APBB2: variants seen among roughly 807,000 people sequenced by gnomAD.
The protein encoded by APBB2 is Fe65-like 1.
A neutral mutation model predicts 82.5 loss-of-function variants in APBB2; 38 were observed. That is an observed-to-expected ratio of 0.46 (90% CI 0.36 to 0.60). The LOEUF (loss-of-function observed/expected upper bound fraction) is 0.60, where lower values mean the gene tolerates loss of function less well. APBB2 is among the 20% of genes least tolerant of loss of function. The pLI, the probability that APBB2 is intolerant of heterozygous loss-of-function variation, is 0.00. For missense variants in APBB2, 772 were observed against 972.3 expected (o/e 0.79, Z 2.74); for synonymous variants, 341 against 368.2 (o/e 0.93, Z 0.85).
rs1745334722 is a variant in APBB2, at chr4:40,815,342, A to C, written c.*750T>G. 1 of 152,668 alleles carries C rather than the reference A, an allele frequency of 6.6e-6. No homozygotes were observed. The highest frequency in any genetic ancestry group is 6.5e-5 in the Admixed American group (1 of 15,284). 9.5% of individuals were successfully genotyped at this position (152,668 alleles called of 1,614,324 possible). A position where few individuals can be genotyped will look rare whatever the true frequency, so the allele number is the denominator to read the frequency against. ...ACCCAAAATGCATTATGATTTTATT[A>C]ATCTCTTTTAAAAATAATCAGTTTG... is the stretch of plus-strand genomic sequence containing the variant. On this transcript the variant is annotated 3_prime_UTR_variant, in exon 18 of 18. Transcript: ENST00000508593.
chr4:41,068,569 C>T (rs1257367978), intron 3 of APBB2, among the ~76,000 whole-genome samples: 2 of 152,056 alleles, frequency 1.3e-5, no homozygotes, highest in Non-Finnish European at 2.9e-5. Flanking sequence ...TAGTCTAAGT[C>T]TGTTTTAAGG....
chr4:41,128,667 G>T (rs1755108824), intron 2 of APBB2, among the ~76,000 whole-genome samples: 1 of 151,988 alleles, frequency 6.6e-6, no homozygotes, highest in Admixed American at 6.6e-5. Context: ...GTGTTCTAGG[G>T]GCTGGATATA....
intron 3 of APBB2, among the ~76,000 whole-genome samples, chr4:41,081,571 A>G (rs1376923221): frequency 6.6e-6 from 1 of 152,202 alleles, no homozygotes; most frequent in Non-Finnish European, 1.5e-5. Flanking sequence ...ATTGTGTCAA[A>G]TGCCTGAATT....
intron 4 of APBB2, among the ~76,000 whole-genome samples, chr4:41,049,145 C>T (rs1394520148): frequency 2.0e-5 from 3 of 148,360 alleles, no homozygotes; most frequent in African/African-American, 7.5e-5. Flanking sequence ...TGTGAGGAGC[C>T]CCTCTGCCCG....
chr4:41,211,021 G>A (rs753848696), intron 1 of APBB2, among the ~76,000 whole-genome samples: 2 of 152,152 alleles, frequency 1.3e-5, no homozygotes, highest in Admixed American at 1.3e-4. Context: ...TTGGGAGACC[G>A]AGACTGGTGG....
intron 12 of APBB2, among the ~76,000 whole-genome samples, chr4:40,863,575 A>G (rs192368536): frequency 6.6e-6 from 1 of 152,272 alleles, no homozygotes; most frequent in Non-Finnish European, 1.5e-5. Context: ...GCAGCATAAA[A>G]GATTTTCAAT....
intron 1 of APBB2, among the ~76,000 whole-genome samples, chr4:41,212,745 ACC>A (rs1294711117): frequency 6.6e-6 from 1 of 152,076 alleles, no homozygotes; most frequent in Non-Finnish European, 1.5e-5. Context: ...TTGTACTTGT[ACC>A]CCACCACCTT....
At chr4:41,121,782 G>A (rs898860289) in intron 2 of APBB2, among the ~76,000 whole-genome samples, 12 of 152,136 alleles carry the variant, frequency 7.9e-5, no homozygotes, top group Admixed American at 3.3e-4. Context: ...GGAGTGGGAG[G>A]AGCTTGGCTA....
intron 6 of APBB2, among the ~76,000 whole-genome samples, chr4:40,960,952 G>A (rs1481392854): frequency 7.2e-6 from 1 of 139,702 alleles, no homozygotes; most frequent in Non-Finnish European, 1.5e-5. Context: ...ATTTCCAAGA[G>A]CCCTCCTTTA....
rs1744243064 is a variant in APBB2, at chr4:40,810,686, T to TTA, written c.*5404_*5405dup. On this transcript the variant is annotated 3_prime_UTR_variant, in exon 18 of 18. Coordinates refer to ENST00000508593, the MANE Select transcript of APBB2 (RefSeq NM_004307.2). The stretch of plus-strand genomic sequence containing the variant: ...AATCCCTGAAGAAGAATTCTTCATG[T>TTA]TATCACTCTTGTACAGAAAGATATA... The TTA allele has an allele frequency of 6.6e-6, 1 of 152,150 alleles. No homozygotes were observed. Among genetic ancestry groups the TTA allele is most frequent in the African/African-American group, 2.4e-5 (1 of 41,422 alleles). 9.4% of individuals were successfully genotyped at this position (152,150 alleles called of 1,614,324 possible). A position where few individuals can be genotyped will look rare whatever the true frequency, so the allele number is the denominator to read the frequency against.
At chr4:40,923,226 C>T (rs1458312622) in intron 10 of APBB2, among the ~76,000 whole-genome samples, 8 of 152,194 alleles carry the variant, frequency 5.3e-5, no homozygotes, top group African/African-American at 1.4e-4. Flanking sequence ...CCGCCCGCCT[C>T]GGCCTCCCAA....
In APBB2 at chr4:40,857,796, C is replaced by T. The variant is rs549229036; in HGVS notation, c.1530-27219G>A. On this transcript the variant is annotated intron_variant, in intron 12 of 17. Coordinates refer to ENST00000508593, the MANE Select transcript of APBB2 (RefSeq NM_004307.2). ...GGTTTCTACGATCCTGATTGTGGGG[C>T]GAGTGGGGGAAATGGGGGGCGGGGA... 1.9e-3 allele frequency among the ~76,000 whole-genome samples: 111 copies of T among 59,554 alleles called. 1 individual carries two copies. Among genetic ancestry groups the T allele is most frequent in the African/African-American group, 6.9e-3 (101 of 14,580 alleles). 39.1% of individuals were successfully genotyped at this position (59,554 alleles called of 152,430 possible). A position where few individuals can be genotyped will look rare whatever the true frequency, so the allele number is the denominator to read the frequency against.
At chr4:40,872,825 C>T (rs1765875475) in intron 12 of APBB2, among the ~76,000 whole-genome samples, 1 of 151,584 alleles carries the variant, frequency 6.6e-6, no homozygotes, top group Non-Finnish European at 1.5e-5. Flanking sequence ...GTGGTTCACA[C>T]TTGTAATCCC....
intron 10 of APBB2, among the ~76,000 whole-genome samples, chr4:40,906,491 AAAGAAAAG>A (rs1776785275): frequency 1.3e-5 from 2 of 149,902 alleles, no homozygotes; most frequent in Non-Finnish European, 3.0e-5. Flanking sequence ...AAAAAAAAGA[AAAGAAAAG>A]AAAAGAAAAA....
intron 6 of APBB2, among the ~76,000 whole-genome samples, chr4:40,962,777 A>G (rs1410586396): frequency 6.6e-6 from 1 of 152,158 alleles, no homozygotes; most frequent in Non-Finnish European, 1.5e-5. Flanking sequence ...TGGGGAGTAC[A>G]TATCACCATA....
chr4:41,125,705 C>A (rs1754173676), intron 2 of APBB2, among the ~76,000 whole-genome samples: 5 of 152,096 alleles, frequency 3.3e-5, no homozygotes, highest in Admixed American at 3.3e-4. Flanking sequence ...AATAAATAGG[C>A]CAAAGGAAGC....
chr4:40,845,409 C>T (rs1757170824), intron 12 of APBB2, among the ~76,000 whole-genome samples: 1 of 151,950 alleles, frequency 6.6e-6, no homozygotes, highest in Admixed American at 6.6e-5. Context: ...AGAATTAAAC[C>T]CCAAGATTAA....
intron 1 of APBB2, among the ~76,000 whole-genome samples, chr4:41,179,314 T>G (rs1333149803): frequency 6.6e-6 from 1 of 152,190 alleles, no homozygotes; most frequent in Non-Finnish European, 1.5e-5. Context: ...GTACCTCAAT[T>G]GGGAAGTAAA....
At chr4:41,213,572 T>C (rs1173617895) in intron 1 of APBB2, among the ~76,000 whole-genome samples, 2 of 152,262 alleles carry the variant, frequency 1.3e-5, no homozygotes, top group Non-Finnish European at 2.9e-5. Context: ...ACCCGTAGTC[T>C]ACACCACTTC....
Sources: gnomAD v4.1 joint callset for allele counts (sites outside exome capture counted in the v4.1 genomes callset) on GRCh38, gnomAD v4.1.1 for gene constraint, MANE v1.5 for transcripts, NCBI Gene and HGNC (gene_info 2026-07-23, HGNC 2026-07-21) for gene names.